The following PDE1C variants were observed in gnomAD, a reference collection of about 807,000 sequenced individuals.
PDE1C encodes phosphodiesterase 1C, also known as dual specificity calcium/calmodulin-dependent 3',5'-cyclic nucleotide phosphodiesterase 1C.
A neutral mutation model predicts 93.1 loss-of-function variants in PDE1C; 62 were observed. That is an observed-to-expected ratio of 0.67 (90% CI 0.54 to 0.82). PDE1C has a LOEUF of 0.82. Among genes scored for constraint, PDE1C ranks in the 40% least tolerant of loss-of-function variants. The pLI is 0.00. For synonymous variants in PDE1C, 325 were observed against 310.1 expected (o/e 1.05, Z -0.50); for missense variants, 742 against 884.6 (o/e 0.84, Z 2.04).
chr7:31,723,493 T>A, the PDE1C span, among the ~76,000 whole-genome samples: 274 of 152,308 alleles, frequency 1.8e-3, 1 homozygote, highest in African/African-American at 6.3e-3. Context: ...CCTCCCCAAG[T>A]CACTCAGTGC....
At chr7:31,902,470 T>C (rs912627481) in intron 2 of PDE1C, among the ~76,000 whole-genome samples, 2 of 151,798 alleles carry the variant, frequency 1.3e-5, no homozygotes, top group African/African-American at 4.8e-5. Context: ...TGCTGATGGG[T>C]CTATAAATTA....
At chr7:31,821,906 GT>G (rs1232726464) in intron 14 of PDE1C, among the ~76,000 whole-genome samples, 1 of 151,958 alleles carries the variant, frequency 6.6e-6, no homozygotes, top group Non-Finnish European at 1.5e-5. Flanking sequence ...CTTACCCACC[GT>G]CCCCACCCTT....
At chr7:32,063,969 G>C (rs1481957355) in intron 1 of PDE1C, among the ~76,000 whole-genome samples, 1 of 152,146 alleles carries the variant, frequency 6.6e-6, no homozygotes, top group Non-Finnish European at 1.5e-5. Context: ...CTAGCACCTA[G>C]TACATAATGG....
chr7:32,153,870 C>A lies in PDE1C; in HGVS notation c.308+15915G>T, dbSNP rs557587487. Among the ~76,000 whole-genome samples the A allele has an allele frequency of 1.1e-4, 17 of 152,258 alleles. No individual in the cohort carries two copies. In the South Asian group the frequency reaches 3.5e-3, roughly 32 times the overall value. On this transcript the variant is annotated intron_variant, in intron 3 of 18. Transcript: ENST00000396193. The stretch of plus-strand genomic sequence containing the variant: ...TTTTAGGTGGATTCCTCTCTCTCTG[C>A]CTTTTTCTCTCTCTTTCCCCCCACA...
At chr7:31,696,903 C>T in the PDE1C span, 2 of 1,526,174 alleles carry the variant, frequency 1.3e-6, no homozygotes, top group South Asian at 1.2e-5. Context: ...TATGCACAGT[C>T]CTCATATATT....
intron 1 of PDE1C, among the ~76,000 whole-genome samples, chr7:32,268,203 G>C (rs10281810): frequency 0.041 from 6,285 of 152,234 alleles, 471 homozygotes; most frequent in African/African-American, 0.14. Context: ...TTTCTGAATG[G>C]TTCATTGCTG....
chr7:32,245,874 T>C (rs1413251560), intron 1 of PDE1C, among the ~76,000 whole-genome samples: 1 of 152,156 alleles, frequency 6.6e-6, no homozygotes, highest in Non-Finnish European at 1.5e-5. Context: ...CCACAAGGAC[T>C]CTGCCCTACT....
intron 2 of PDE1C, among the ~76,000 whole-genome samples, chr7:32,036,529 C>T (rs925916294): frequency 1.1e-4 from 16 of 151,978 alleles, no homozygotes; most frequent in Admixed American, 2.0e-4. Context: ...TTAACAAGGA[C>T]AGAAGATTTT....
intron 2 of PDE1C, among the ~76,000 whole-genome samples, chr7:31,934,258 T>A (rs1182330824): frequency 1.3e-5 from 2 of 152,236 alleles, no homozygotes; most frequent in Non-Finnish European, 2.9e-5. Flanking sequence ...GATGTACATC[T>A]CTGCTCTGAT....
At chr7:32,279,340 G>C (rs1811479945) in intron 1 of PDE1C, among the ~76,000 whole-genome samples, 1 of 152,160 alleles carries the variant, frequency 6.6e-6, no homozygotes, top group African/African-American at 2.4e-5. Flanking sequence ...GATGGGGAAA[G>C]GTCGGTCAAC....
chr7:31,770,314 G>A (rs1795402652), intron 17 of PDE1C, among the ~76,000 whole-genome samples: 1 of 152,112 alleles, frequency 6.6e-6, no homozygotes, highest in South Asian at 2.1e-4. Flanking sequence ...CATCAGATAT[G>A]TGATTCTCAA....
chr7:32,280,846 G>T (rs1476765), intron 1 of PDE1C, among the ~76,000 whole-genome samples: 86,169 of 151,844 alleles, frequency 0.57, 25,871 homozygotes, highest in Admixed American at 0.68. Context: ...TTATCAGAGT[G>T]TGGTGGTACA....
intron 3 of PDE1C, among the ~76,000 whole-genome samples, chr7:32,077,296 GT>G (rs373706294): frequency 7.2e-5 from 11 of 152,220 alleles, no homozygotes; most frequent in African/African-American, 2.6e-4. Context: ...TACATTGGAG[GT>G]TCTCATAAAA....
At chr7:31,851,246 T>G (rs1179144907) in intron 7 of PDE1C, among the ~76,000 whole-genome samples, 3 of 152,200 alleles carry the variant, frequency 2.0e-5, no homozygotes, top group Admixed American at 2.0e-4. Context: ...CTGATGATGT[T>G]TGAAAGGACT....
At chr7:32,194,849 A>G (rs1235345524) in intron 2 of PDE1C, among the ~76,000 whole-genome samples, 2 of 151,820 alleles carry the variant, frequency 1.3e-5, no homozygotes, top group East Asian at 3.9e-4. Context: ...TCATTTATCT[A>G]GTTTATTTTT....
At chr7:32,035,165 A>G (rs1458146658) in intron 2 of PDE1C, among the ~76,000 whole-genome samples, 1 of 152,056 alleles carries the variant, frequency 6.6e-6, no homozygotes, top group Non-Finnish European at 1.5e-5. Context: ...ATGACCATAA[A>G]CTACAAATGA....
chr7:32,366,454 T>C (rs929546310), intron 1 of PDE1C, among the ~76,000 whole-genome samples: 2 of 152,034 alleles, frequency 1.3e-5, no homozygotes, highest in Admixed American at 1.3e-4. Flanking sequence ...ATTCACATTA[T>C]ACATATTCCA....
At chr7:31,624,962 G>T in the PDE1C span, among the ~76,000 whole-genome samples, 1 of 152,182 alleles carries the variant, frequency 6.6e-6, no homozygotes, top group East Asian at 1.9e-4. Flanking sequence ...AGTGGGCAAA[G>T]GACATGAATA....
intron 1 of PDE1C, among the ~76,000 whole-genome samples, chr7:32,240,321 T>A (rs938250057): frequency 6.6e-6 from 1 of 152,224 alleles, no homozygotes; most frequent in Non-Finnish European, 1.5e-5. Flanking sequence ...AAATATTAAC[T>A]GAGGGCTTAC....
Sources: allele counts gnomAD v4.1 joint callset (sites outside exome capture counted in the v4.1 genomes callset), GRCh38; gene constraint gnomAD v4.1.1; transcripts MANE v1.5; gene names NCBI Gene and HGNC (gene_info 2026-07-23, HGNC 2026-07-21).